The following SCHIP1 variants were observed in gnomAD, a reference collection of about 807,000 sequenced individuals.
The protein encoded by SCHIP1 is schwannomin-interacting protein 1.
SCHIP1 carries 8 observed loss-of-function variants against 29.7 expected under a neutral mutation model. The observed-to-expected ratio is 0.27, with a 90% confidence interval of 0.16 to 0.49. SCHIP1 has a LOEUF of 0.49. Ranked by LOEUF, SCHIP1 falls within the 20% of genes least tolerant of loss-of-function variation. The pLI, the probability that SCHIP1 is intolerant of heterozygous loss-of-function variation, is 0.99. For missense variants in SCHIP1, 193 were observed against 294.6 expected (o/e 0.66, Z 2.52); for synonymous variants, 76 against 94.9 (o/e 0.80, Z 1.16).
chr3:159,415,170 G>A, the SCHIP1 span, among the ~76,000 whole-genome samples: 87,697 of 151,790 alleles, frequency 0.58, 25,980 homozygotes, highest in East Asian at 0.75. Flanking sequence ...GGATTCAGAA[G>A]CTAAATTATA....
At chr3:159,584,553 TA>T in the SCHIP1 span, among the ~76,000 whole-genome samples, 1 of 152,134 alleles carries the variant, frequency 6.6e-6, no homozygotes, top group East Asian at 1.9e-4. Flanking sequence ...ACAGGTCAAA[TA>T]CCATGCTTTT....
chr3:159,709,898 A>C, the SCHIP1 span, among the ~76,000 whole-genome samples: 2 of 152,248 alleles, frequency 1.3e-5, no homozygotes, highest in African/African-American at 4.8e-5. Flanking sequence ...TAAAAATTGC[A>C]CACCTTGTAG....
chr3:159,889,084 TC>T, intron 5 of SCHIP1, 141 bp downstream of exon 6: 5 of 1,202,528 alleles, frequency 4.2e-6, no homozygotes, highest in Non-Finnish European at 5.6e-6. Flanking sequence ...ATCACAAGGC[TC>T]TTTTTTGTTG....
chr3:159,565,260 C>T, the SCHIP1 span, among the ~76,000 whole-genome samples: 2 of 152,104 alleles, frequency 1.3e-5, no homozygotes, highest in African/African-American at 2.4e-5. Context: ...CTAGTGAACA[C>T]GAAAGTCATT....
At chr3:159,419,650 A>AAG in the SCHIP1 span, among the ~76,000 whole-genome samples, 1 of 152,070 alleles carries the variant, frequency 6.6e-6, no homozygotes, top group Non-Finnish European at 1.5e-5. Context: ...CTCTACTAAA[A>AAG]ATGCAAAAAT....
At chr3:159,766,422 T>C in the SCHIP1 span, among the ~76,000 whole-genome samples, 1 of 152,130 alleles carries the variant, frequency 6.6e-6, no homozygotes, top group African/African-American at 2.4e-5. Context: ...TGTTTAGGAG[T>C]TTACCATGGC....
chr3:159,397,728 G>T, the SCHIP1 span, among the ~76,000 whole-genome samples: 1 of 152,202 alleles, frequency 6.6e-6, no homozygotes. Context: ...CTTCAAAGCT[G>T]TCAGACAGGG....
At chr3:159,824,371 A>G in the SCHIP1 span, among the ~76,000 whole-genome samples, 1 of 152,236 alleles carries the variant, frequency 6.6e-6, no homozygotes, top group Non-Finnish European at 1.5e-5. Flanking sequence ...TGAGGAAAGA[A>G]ATAACATGGG....
At chr3:159,375,780 C>G in the SCHIP1 span, 14 of 864,654 alleles carry the variant, frequency 1.6e-5, no homozygotes, top group Non-Finnish European at 1.8e-5. Context: ...ACATTTAAAA[C>G]TAGGATGGGT....
the SCHIP1 span, among the ~76,000 whole-genome samples, chr3:159,281,604 G>A: frequency 1.3e-5 from 2 of 152,118 alleles, no homozygotes; most frequent in Non-Finnish European, 2.9e-5. Flanking sequence ...TTACATTTTA[G>A]AGCAAAGTAC....
chr3:159,355,792 T>C, the SCHIP1 span, among the ~76,000 whole-genome samples: 1 of 152,158 alleles, frequency 6.6e-6, no homozygotes. Context: ...ACAATTTAAA[T>C]TGAAATTTCC....
the SCHIP1 span, among the ~76,000 whole-genome samples, chr3:159,709,459 A>G: frequency 6.6e-6 from 1 of 152,176 alleles, no homozygotes. Flanking sequence ...AAGGAAAAAA[A>G]GGTTAGCTTA....
the SCHIP1 span, among the ~76,000 whole-genome samples, chr3:159,579,308 G>A: frequency 1.3e-5 from 2 of 152,228 alleles, no homozygotes; most frequent in Admixed American, 1.3e-4. Flanking sequence ...TAGATGAGGG[G>A]TAATGAATTT....
At chr3:159,617,198 C>T in the SCHIP1 span, among the ~76,000 whole-genome samples, 1 of 152,200 alleles carries the variant, frequency 6.6e-6, no homozygotes, top group Admixed American at 6.5e-5. Flanking sequence ...ACATTAACAA[C>T]TACCTGTTGA....
At chr3:159,667,512 G>A in the SCHIP1 span, among the ~76,000 whole-genome samples, 1,097 of 152,292 alleles carry the variant, frequency 7.2e-3, 11 homozygotes, top group African/African-American at 0.025. Flanking sequence ...GGAGACTCAG[G>A]CCACAGCCTG....
the SCHIP1 span, among the ~76,000 whole-genome samples, chr3:159,321,346 G>T: frequency 6.6e-6 from 1 of 152,234 alleles, no homozygotes; most frequent in Admixed American, 6.5e-5. Context: ...TCTCCTTTCT[G>T]CAATGACAAA....
At chr3:159,874,142 C>A (rs1715544127) in intron 2 of SCHIP1, among the ~76,000 whole-genome samples, 3 of 152,144 alleles carry the variant, frequency 2.0e-5, no homozygotes, top group Admixed American at 6.5e-5. Context: ...CTCAGAGTAA[C>A]CACGAAATAA....
the SCHIP1 span, among the ~76,000 whole-genome samples, chr3:159,749,759 A>C: frequency 1.3e-5 from 2 of 152,212 alleles, no homozygotes; most frequent in Admixed American, 1.3e-4. Context: ...GTAATTGAAA[A>C]GATAAATTGA....
the SCHIP1 span, among the ~76,000 whole-genome samples, chr3:159,531,478 C>T: frequency 6.6e-6 from 1 of 152,138 alleles, no homozygotes; most frequent in Non-Finnish European, 1.5e-5. Flanking sequence ...CTCTTTTCTC[C>T]TTTGTTTTCT....
Sources: allele counts gnomAD v4.1 joint callset (sites outside exome capture counted in the v4.1 genomes callset), GRCh38; gene constraint gnomAD v4.1.1; transcripts MANE v1.5; gene names NCBI Gene and HGNC (gene_info 2026-07-23, HGNC 2026-07-21).